The following KCNC4 variants were observed in gnomAD, a reference collection of about 807,000 sequenced individuals.
The protein encoded by KCNC4 is voltage-gated potassium channel KCNC4.
Under a neutral mutation model 42.8 loss-of-function variants are expected in KCNC4, and 23 were observed. The ratio of observed to expected loss-of-function variants is 0.54; its 90% CI spans 0.39 to 0.76. KCNC4 has a LOEUF of 0.76. KCNC4 is among the 30% of genes least tolerant of loss of function. The pLI is 0.00. For synonymous variants in KCNC4, 422 were observed against 393.5 expected, an observed-to-expected ratio of 1.07 and a Z score of -0.86; for missense variants, 751 against 898.2, an observed-to-expected ratio of 0.84 and a Z score of 2.10.
chr1:110,230,065 TG>T (rs969990608), intron 3 of KCNC4, among the ~76,000 whole-genome samples: 2 of 152,114 alleles, frequency 1.3e-5, no homozygotes, highest in African/African-American at 4.8e-5. Flanking sequence ...TGCATGGGGT[TG>T]GGGGTGTTGT....
chr1:110,253,763 G>T (rs1185417286), downstream of KCNC4, among the ~76,000 whole-genome samples: 1 of 152,214 alleles, frequency 6.6e-6, no homozygotes, highest in East Asian at 1.9e-4. Flanking sequence ...TGTTGACGGT[G>T]TTATCAGACT....
chr1:110,230,619 A>G (rs751661491), intron 3 of KCNC4, among the ~76,000 whole-genome samples: 1 of 152,068 alleles, frequency 6.6e-6, no homozygotes, highest in Non-Finnish European at 1.5e-5. Flanking sequence ...TGGCACCCCT[A>G]CGGTGGGCAC....
chr1:110,219,065 G>C (rs1657959533), intron 1 of KCNC4, among the ~76,000 whole-genome samples: 1 of 152,322 alleles, frequency 6.6e-6, no homozygotes, highest in East Asian at 1.9e-4. Context: ...GTGGTGGAAA[G>C]AACTAGCAGC....
downstream of KCNC4, chr1:110,238,084 G>A (rs984583038): frequency 2.6e-5 from 4 of 152,202 alleles, no homozygotes; most frequent in Non-Finnish European, 5.9e-5. Flanking sequence ...AGCTTTAGGG[G>A]GTGAGGAGAG....
chr1:110,281,539 T>A (rs1214871651), intron 1 of KCNC4, among the ~76,000 whole-genome samples: 1 of 137,122 alleles, frequency 7.3e-6, no homozygotes, highest in African/African-American at 2.8e-5. Context: ...TTTATCTGAC[T>A]CCCCACATAT....
intron 1 of KCNC4, chr1:110,221,251 AG>A (rs1217550787): frequency 2.6e-5 from 4 of 152,250 alleles, no homozygotes; most frequent in Non-Finnish European, 4.4e-5. Context: ...GAAGTTAAAC[AG>A]TTCTGAGTTC....
At chr1:110,236,277 A>C (rs1312625128), downstream of KCNC4, 3 of 152,302 alleles carry the variant, frequency 2.0e-5, no homozygotes, top group East Asian at 5.8e-4. Flanking sequence ...ACGAGGAGAA[A>C]ACCAACACAA....
At chr1:110,253,709 C>T (rs905580979), downstream of KCNC4, among the ~76,000 whole-genome samples, 1 of 152,178 alleles carries the variant, frequency 6.6e-6, no homozygotes, top group African/African-American at 2.4e-5. Flanking sequence ...CTTATTTTCT[C>T]CACTGTTCCT....
intron 1 of KCNC4, among the ~76,000 whole-genome samples, chr1:110,213,789 G>A (rs1657633420): frequency 6.6e-6 from 1 of 152,194 alleles, no homozygotes; most frequent in Non-Finnish European, 1.5e-5. Context: ...GCTAGTGTTA[G>A]CACTTGGCTG....
intron 3 of KCNC4, among the ~76,000 whole-genome samples, chr1:110,226,838 G>A (rs1571047277): frequency 6.6e-6 from 1 of 152,178 alleles, no homozygotes; most frequent in South Asian, 2.1e-4. Context: ...TCTGCTTGTC[G>A]GAAAAGGCTG....
rs115985449 is a variant in KCNC4 at position 110,216,933 on chromosome 1, T to C, written c.678+4756T>C. Among the ~76,000 whole-genome samples the C allele has an allele frequency of 6.1e-3, 924 of 152,250 alleles. 9 individuals are homozygous for C. The highest frequency in any genetic ancestry group is 0.021 in the African/African-American group (888 of 41,536). On this transcript the variant is annotated intron_variant, in intron 1 of 3. Transcript: ENST00000438661. ...ATTACTGGGCATATACCCTTGTCACTTTGTCCCAGTCAGTGGAGCTGATGA... is the reference window on the plus strand; with the variant it reads ...ATTACTGGGCATATACCCTTGTCACCTTGTCCCAGTCAGTGGAGCTGATGA...
At chr1:110,222,052 C>G (rs907083787) in intron 1 of KCNC4, 9 of 152,236 alleles carry the variant, frequency 5.9e-5, no homozygotes, top group Non-Finnish European at 1.3e-4. Flanking sequence ...CACTCTGATG[C>G]TGATGCGTAT....
At position 110,210,322 on chromosome 1, in the gene KCNC4, G is replaced by T. The variant is rs1467735251; in HGVS notation, c.-1178G>T. Among the ~76,000 whole-genome samples, 1 of 151,630 alleles carries T rather than the reference G, an allele frequency of 6.6e-6. No individual in the cohort carries two copies. The highest frequency in any genetic ancestry group is 2.4e-5 in the African/African-American group (1 of 41,342). On this transcript the variant is annotated 5_prime_UTR_variant, in exon 1 of 4. Transcript: ENST00000438661. Reference sequence around the variant, plus strand: ...CCGGAGGAAAAGGCGCCACTGGGGCGTGGCGGCCGCTGCCAGCGCCGGAGG... The same window carrying T: ...CCGGAGGAAAAGGCGCCACTGGGGCTTGGCGGCCGCTGCCAGCGCCGGAGG...
chr1:110,281,201 C>T (rs940395085), intron 1 of KCNC4, among the ~76,000 whole-genome samples: 2 of 152,034 alleles, frequency 1.3e-5, no homozygotes, highest in South Asian at 2.1e-4. Flanking sequence ...GTGCTTGGAG[C>T]GGGGAAGGGG....
chr1:110,281,670 T>C (rs180857245), intron 1 of KCNC4, among the ~76,000 whole-genome samples: 3 of 152,152 alleles, frequency 2.0e-5, no homozygotes, highest in Admixed American at 2.0e-4. Flanking sequence ...GTTGCTTCCC[T>C]TGTCTAGGCC....
At chr1:110,248,926 G>T (rs1285168161) in exon 4 of KCNC4, 1 of 152,246 alleles carries the variant, frequency 6.6e-6, no homozygotes, top group African/African-American at 2.4e-5. Flanking sequence ...ATGCAGGAAA[G>T]ATGAGACGTT....
At chr1:110,280,690 C>G (rs925827137) in intron 1 of KCNC4, among the ~76,000 whole-genome samples, 5 of 152,104 alleles carry the variant, frequency 3.3e-5, no homozygotes, top group African/African-American at 1.2e-4. Flanking sequence ...CAAATAACAA[C>G]AAATTTTTTT....
chr1:110,238,299 G>A (rs1248541135), downstream of KCNC4: 1 of 152,186 alleles, frequency 6.6e-6, no homozygotes, highest in Non-Finnish European at 1.5e-5. Context: ...AGAAATGTAG[G>A]CTTCCCCTTG....
At chr1:110,236,820 G>A (rs1658917770), downstream of KCNC4, 1 of 152,212 alleles carries the variant, frequency 6.6e-6, no homozygotes, top group African/African-American at 2.4e-5. Flanking sequence ...AAGGGTACCT[G>A]TGGGGAAGTG....
Sources: allele counts gnomAD v4.1 joint callset (sites outside exome capture counted in the v4.1 genomes callset), GRCh38; gene constraint gnomAD v4.1.1; transcripts MANE v1.5; gene names NCBI Gene and HGNC (gene_info 2026-07-23, HGNC 2026-07-21).